Variants in MYO1E observed in about 807,000 individuals in gnomAD.
MYO1E encodes myosin IE.
MYO1E carries 68 observed loss-of-function variants against 151.1 expected under a neutral mutation model. The observed-to-expected ratio is 0.45, with a 90% CI of 0.37 to 0.55. The LOEUF (loss-of-function observed/expected upper bound fraction) is 0.55. Among genes scored for constraint, MYO1E ranks in the 20% least tolerant of loss-of-function variants. The pLI is 0.00. For synonymous variants in MYO1E, 601 were observed against 501.7 expected (o/e 1.20, Z -2.64); for missense variants, 1,363 against 1,389.3 (o/e 0.98, Z 0.30).
chr15:59,283,358 T>A (rs1445906861), intron 1 of MYO1E, among the ~76,000 whole-genome samples: 1 of 152,018 alleles, frequency 6.6e-6, no homozygotes, highest in Non-Finnish European at 1.5e-5. Flanking sequence ...CTTAGGGTAT[T>A]CTTCTATGAA....
At chr15:59,207,720 G>C (rs2079848164) in intron 14 of MYO1E, 1 of 1,614,180 alleles carries the variant, frequency 6.2e-7, no homozygotes, top group Non-Finnish European at 8.5e-7. Flanking sequence ...GTGTCCCTTT[G>C]AAGGATCTGA....
intron 17 of MYO1E, among the ~76,000 whole-genome samples, chr15:59,194,745 C>T (rs2171287): frequency 2.6e-5 from 4 of 152,136 alleles, no homozygotes; most frequent in African/African-American, 4.8e-5. Flanking sequence ...GGTCTCCCAG[C>T]GGGCCACAAA....
intron 1 of MYO1E, among the ~76,000 whole-genome samples, chr15:59,303,987 T>C (rs890163120): frequency 4.9e-4 from 74 of 150,716 alleles, no homozygotes; most frequent in African/African-American, 1.7e-3. Flanking sequence ...TCTTTCTTTT[T>C]TTTTTTTTTT....
intron 1 of MYO1E, among the ~76,000 whole-genome samples, chr15:59,315,304 G>A (rs1193150993): frequency 1.3e-5 from 2 of 151,904 alleles, no homozygotes; most frequent in Admixed American, 6.6e-5. Context: ...TCACTTCTTT[G>A]GCTACATGTT....
At chr15:59,332,264 C>T (rs764906893) in intron 1 of MYO1E, among the ~76,000 whole-genome samples, 1 of 152,186 alleles carries the variant, frequency 6.6e-6, no homozygotes, top group Non-Finnish European at 1.5e-5. Flanking sequence ...TTCTAACTGC[C>T]GCTACTTCTT....
rs181965815 is a variant in MYO1E at position 59,163,076 on chromosome 15, G to A, written c.2627+81C>T. On this transcript the variant is annotated intron_variant, in intron 23 of 27. Transcript: ENST00000288235. Reference sequence around the variant, plus strand: ...CTCTTCTCCTCGCAGGCCTCCTCCAGCCCCATCCTGAATCGCAGGGGTGCG... The same window carrying A: ...CTCTTCTCCTCGCAGGCCTCCTCCAACCCCATCCTGAATCGCAGGGGTGCG... 20 of 1,523,850 alleles carry A rather than the reference G, an allele frequency of 1.3e-5. 1 individual carries two copies. The African/African-American group carries it at 2.1e-4, about 16-fold the overall frequency. 94.4% of individuals were successfully genotyped at this position (1,523,850 alleles called of 1,614,324 possible). A position where few individuals can be genotyped will look rare whatever the true frequency, so the allele number is the denominator to read the frequency against.
chr15:59,195,977 C>T (rs2079764191), intron 16 of MYO1E, among the ~76,000 whole-genome samples: 1 of 151,994 alleles, frequency 6.6e-6, no homozygotes, highest in Admixed American at 6.6e-5. Flanking sequence ...ACTTTTTTTC[C>T]CCCAAAATTA....
intron 1 of MYO1E, among the ~76,000 whole-genome samples, chr15:59,295,154 G>A (rs1224752030): frequency 6.6e-6 from 1 of 152,106 alleles, no homozygotes; most frequent in Non-Finnish European, 1.5e-5. Flanking sequence ...TAATGAATGA[G>A]ACAAAATCAC....
intron 1 of MYO1E, among the ~76,000 whole-genome samples, chr15:59,365,524 C>T (rs1164884392): frequency 2.0e-5 from 3 of 152,138 alleles, no homozygotes; most frequent in Non-Finnish European, 4.4e-5. Context: ...AACTTGGATT[C>T]TGGCACCAGC....
chr15:59,334,044 C>A (rs953089851), intron 1 of MYO1E, among the ~76,000 whole-genome samples: 6 of 152,120 alleles, frequency 3.9e-5, no homozygotes, highest in African/African-American at 1.4e-4. Context: ...CCTGTAATAG[C>A]AATGTTTTGG....
intron 1 of MYO1E, among the ~76,000 whole-genome samples, chr15:59,349,175 CTTATTAATAGTAA>C (rs1309335002): frequency 2.0e-5 from 3 of 152,082 alleles, no homozygotes; most frequent in Non-Finnish European, 4.4e-5. Context: ...CATTTGAAAC[CTTATTAATAGTAA>C]TTATTAATTA....
chr15:59,332,607 T>C (rs1390749741), intron 1 of MYO1E, among the ~76,000 whole-genome samples: 1 of 152,224 alleles, frequency 6.6e-6, no homozygotes, highest in African/African-American at 2.4e-5. Flanking sequence ...GTCAGTGATG[T>C]GTCTGATGCT....
chr15:59,207,582 G>C (rs1374287770), intron 14 of MYO1E: 3 of 1,614,094 alleles, frequency 1.9e-6, no homozygotes, highest in Non-Finnish European at 1.7e-6. Flanking sequence ...GCTGTAATCT[G>C]GATACTGCTC....
chr15:59,286,296 A>C lies in MYO1E; in HGVS notation c.4-13847T>G, dbSNP rs913624102. Among the ~76,000 whole-genome samples the C allele has an allele frequency of 4.6e-5, 7 of 152,358 alleles. No individual in the cohort carries two copies. In the East Asian group the frequency reaches 1.4e-3, roughly 29 times the overall value. ...CATGCAAAATGCTGGAGGTATGCTG[A>C]CATGAGTTAACCAACTACTCACATG... On this transcript the variant is annotated intron_variant, in intron 1 of 27. Transcript: ENST00000288235.
At chr15:59,219,090 G>C (rs542671509) in intron 9 of MYO1E, among the ~76,000 whole-genome samples, 52 of 152,294 alleles carry the variant, frequency 3.4e-4, no homozygotes, top group African/African-American at 1.2e-3. Flanking sequence ...GAAGGGGATG[G>C]TATTGTTCAT....
At chr15:59,217,595 G>A (rs908780598) in intron 10 of MYO1E, among the ~76,000 whole-genome samples, 6 of 120,378 alleles carry the variant, frequency 5.0e-5, no homozygotes, top group South Asian at 2.8e-4. Flanking sequence ...GCGTAATCTC[G>A]GCTCACTGCA....
At chr15:59,242,150 A>G (rs7172010) in intron 4 of MYO1E, among the ~76,000 whole-genome samples, 146,534 of 152,284 alleles carry the variant, frequency 0.96, 70,751 homozygotes, top group South Asian at 1. Flanking sequence ...GCATACCGAC[A>G]AACTTGCCTT....
intron 1 of MYO1E, among the ~76,000 whole-genome samples, chr15:59,312,022 C>T (rs2080555648): frequency 1.3e-5 from 2 of 152,154 alleles, no homozygotes; most frequent in Non-Finnish European, 2.9e-5. Context: ...TTATAAATTA[C>T]CCAGTCTGTG....
intron 1 of MYO1E, among the ~76,000 whole-genome samples, chr15:59,365,970 C>T (rs766914872): frequency 6.6e-6 from 1 of 152,098 alleles, no homozygotes; most frequent in Non-Finnish European, 1.5e-5. Context: ...CCCTCCTTCC[C>T]TCTTCTTCCC....
Sources: gnomAD v4.1 joint callset for allele counts (sites outside exome capture counted in the v4.1 genomes callset) on GRCh38, gnomAD v4.1.1 for gene constraint, MANE v1.5 for transcripts, NCBI Gene and HGNC (gene_info 2026-07-23, HGNC 2026-07-21) for gene names.